The following SEC31A variants were observed in gnomAD, a reference collection of about 807,000 sequenced individuals.
SEC31A encodes SEC31 homolog A, COPII component.
Under a neutral mutation model 151.0 loss-of-function variants are expected in SEC31A, and 70 were observed. The ratio of observed to expected loss-of-function variants is 0.46; its 90% confidence interval spans 0.38 to 0.57. The LOEUF (loss-of-function observed/expected upper bound fraction) is 0.57, where lower values mean the gene tolerates loss of function less well. SEC31A is among the 20% of genes least tolerant of loss of function. SEC31A has a pLI of 0.00. For synonymous variants in SEC31A, 475 were observed against 505.9 expected (o/e 0.94, Z 0.82); for missense variants, 1,330 against 1,471.2 (o/e 0.90, Z 1.57).
At chr4:82,827,245 T>A in intron 24 of SEC31A, 124 bp downstream of exon 24, 1 of 1,113,464 alleles carries the variant, frequency 9.0e-7, no homozygotes, top group Non-Finnish European at 1.3e-6. Context: ...AAAAAGTTAC[T>A]ATTTTTTGTT....
intron 20 of SEC31A, among the ~76,000 whole-genome samples, chr4:82,844,914 GA>G (rs1229469898): frequency 6.6e-6 from 1 of 152,032 alleles, no homozygotes; most frequent in East Asian, 1.9e-4. Flanking sequence ...AAAGAAAAAA[GA>G]AAAAAAGTCT....
At chr4:82,874,455 G>GA (rs891819903) in intron 6 of SEC31A, among the ~76,000 whole-genome samples, 156 bp downstream of exon 6, 5 of 151,682 alleles carry the variant, frequency 3.3e-5, no homozygotes, top group Non-Finnish European at 5.9e-5. Flanking sequence ...TCCCTTAGAG[G>GA]AAAAAAAACA....
intron 24 of SEC31A, 151 bp from the exon 25 acceptor site, chr4:82,824,825 A>AT: frequency 1.1e-6 from 1 of 875,024 alleles, no homozygotes; most frequent in Non-Finnish European, 1.7e-6. Context: ...ATCACTTACG[A>AT]TAAGTAAAAA....
chr4:82,886,669 G>C (rs573087156), intron 1 of SEC31A, among the ~76,000 whole-genome samples: 2 of 152,216 alleles, frequency 1.3e-5, no homozygotes, highest in African/African-American at 4.8e-5. Flanking sequence ...ATAAATTCAA[G>C]TTCCAGCTCC....
intron 4 of SEC31A, among the ~76,000 whole-genome samples, chr4:82,877,284 C>A (rs965074658): frequency 1.9e-4 from 29 of 151,836 alleles, no homozygotes; most frequent in African/African-American, 5.8e-4. Context: ...TATTGCTATA[C>A]CCTAAGTATC....
intron 22 of SEC31A, among the ~76,000 whole-genome samples, chr4:82,838,126 G>T (rs1010809988): frequency 6.6e-6 from 1 of 152,098 alleles, no homozygotes; most frequent in Admixed American, 6.6e-5. Context: ...AGTAAGGAAG[G>T]ATATCATGCT....
At chr4:82,878,266 C>T (rs1447278452) in intron 4 of SEC31A, among the ~76,000 whole-genome samples, 3 of 151,880 alleles carry the variant, frequency 2.0e-5, no homozygotes, top group Admixed American at 6.6e-5. Context: ...GAGGCCGAGG[C>T]GGGCGGATCA....
In SEC31A at chr4:82,824,602, T is replaced by C; in HGVS notation, c.3364A>G (p.Thr1122Ala). Reference sequence around the variant, plus strand: ...CAGCGCTGAATAAGATCCTCAAATGTGGTCTTTAGAATGAGGTGCTCATCT... The same window carrying C: ...CAGCGCTGAATAAGATCCTCAAATGCGGTCTTTAGAATGAGGTGCTCATCT... ...IPDEHLILKT[T>A]FEDLIQRCLS... The change falls in exon 25 of 27, where the codon ACA becomes GCA. Residue 1122 changes from threonine to alanine, a missense_variant. By Grantham distance (58) the Thr-to-Ala change is moderately conservative. Transcript: ENST00000395310. The C allele has an allele frequency of 6.2e-7, 1 of 1,614,080 alleles. No individual in the cohort carries two copies.
At chr4:82,891,315 C>T (rs1719729346), upstream of SEC31A, 4 of 870,108 alleles carry the variant, frequency 4.6e-6, no homozygotes, top group Middle Eastern at 3.5e-4. Flanking sequence ...CGGCGGTAGC[C>T]TGGGAGGCGG....
At chr4:82,876,724 A>T (rs2125766304) in intron 4 of SEC31A, among the ~76,000 whole-genome samples, 1 of 152,328 alleles carries the variant, frequency 6.6e-6, no homozygotes, top group African/African-American at 2.4e-5. Flanking sequence ...AAGAACCTGA[A>T]ATTGTAATAT....
At chr4:82,860,990 G>T (rs1734009429) in intron 14 of SEC31A, among the ~76,000 whole-genome samples, 1 of 150,678 alleles carries the variant, frequency 6.6e-6, no homozygotes, top group African/African-American at 2.4e-5. Context: ...GAGATGAGAA[G>T]AACTTGTTGA....
At position 82,844,448 on chromosome 4, in the gene SEC31A, C is replaced by G. The variant is rs1196707576; in HGVS notation, c.2564G>C (p.Gly855Ala). The G allele has an allele frequency of 1.2e-6, 2 of 1,613,620 alleles. No homozygotes were observed. The highest frequency in any genetic ancestry group is 2.7e-5 in the African/African-American group (2 of 74,888). ...MHGNVNPNAAGQLPTSPGHMH... is the reference protein window; with the variant it reads ...MHGNVNPNAAAQLPTSPGHMH... ...ATGACCTGGAGATGTGGGAAGCTGA[C>G]CAGCAGCATTTGGATTAACATTTCC... is the stretch of plus-strand genomic sequence containing the variant. Residue 855 changes from glycine (G) to alanine (A), a missense_variant, in exon 21 of 27, where the codon GGT becomes GCT. Coordinates refer to ENST00000395310, the MANE Select transcript of SEC31A (RefSeq NM_001077207.4).
At chr4:82,888,701 A>T (rs946620613) in intron 1 of SEC31A, among the ~76,000 whole-genome samples, 10 of 150,700 alleles carry the variant, frequency 6.6e-5, no homozygotes, top group Non-Finnish European at 1.0e-4. Context: ...AAAAAAATAA[A>T]AAAAAAAAAA....
chr4:82,882,401 CAAAAAAAAAAAAAAAAA>C (rs57974382), intron 1 of SEC31A, among the ~76,000 whole-genome samples: 2 of 92,490 alleles, frequency 2.2e-5, no homozygotes, highest in African/African-American at 1.0e-4. Context: ...GACTCTATCT[CAAAAAAAAAAAAAAAAA>C]AAAAAAAAAA....
upstream of SEC31A, chr4:82,891,202 A>C: frequency 6.5e-7 from 1 of 1,530,042 alleles, no homozygotes; most frequent in Non-Finnish European, 8.7e-7. Context: ...TTCCGTTCCA[A>C]CGTGGCAGCC....
In SEC31A at chr4:82,838,237, A is replaced by G. The variant is rs191484294; in HGVS notation, c.2968+3903T>C. ...AGAACACTGTTTCATGAGAATATAC[A>G]GTATTATTCCCCTTCAAGACTCTTC... On this transcript the variant is annotated intron_variant, in intron 22 of 26. Transcript: ENST00000395310. Among the ~76,000 whole-genome samples the G allele has an allele frequency of 1.4e-3, 213 of 152,336 alleles. 2 individuals carry two copies. The highest frequency in any genetic ancestry group is 2.5e-3 in the Non-Finnish European group (168 of 68,032).
At chr4:82,881,757 G>A (rs1408163085) in intron 2 of SEC31A, 101 bp downstream of exon 2, 1 of 869,790 alleles carries the variant, frequency 1.1e-6, no homozygotes, top group Non-Finnish European at 1.9e-6. Context: ...TTGCCAGGGA[G>A]AGAGAGGCTT....
chr4:82,887,815 T>C (rs1160123987), intron 1 of SEC31A, among the ~76,000 whole-genome samples: 1 of 151,992 alleles, frequency 6.6e-6, no homozygotes, highest in African/African-American at 2.4e-5. Context: ...TCCCAGCACT[T>C]TGGGAGGTCG....
upstream of SEC31A, chr4:82,893,431 G>A (rs1193262884): frequency 6.6e-6 from 1 of 152,212 alleles, no homozygotes; most frequent in Non-Finnish European, 1.5e-5. Context: ...TCTGCAAAGA[G>A]TGAAGTTGTA....
Sources: gnomAD v4.1 joint callset for allele counts (sites outside exome capture counted in the v4.1 genomes callset) on GRCh38, gnomAD v4.1.1 for gene constraint, MANE v1.5 for transcripts, NCBI Gene and HGNC (gene_info 2026-07-23, HGNC 2026-07-21) for gene names.